ATG12: variants seen among roughly 807,000 people sequenced by gnomAD.
The protein encoded by ATG12 is autophagy related 12.
A neutral mutation model predicts 17.6 loss-of-function variants in ATG12; 19 were observed. The ratio of observed to expected loss-of-function variants is 1.08; its 90% CI spans 0.75 to 1.58. The LOEUF is 1.58. Ranked by LOEUF, ATG12 falls within the 40% of genes most tolerant of loss-of-function variation. The pLI is 0.00. For synonymous variants in ATG12, 75 were observed against 62.4 expected (o/e 1.20, Z -0.95); for missense variants, 214 against 162.0 (o/e 1.32, Z -1.74).
intron 2 of ATG12, among the ~76,000 whole-genome samples, chr5:115,834,666 G>C (rs1164695609): frequency 6.6e-6 from 1 of 152,064 alleles, no homozygotes; most frequent in Non-Finnish European, 1.5e-5. Flanking sequence ...TCTGCTAATA[G>C]TCTGTGCCCC....
At position 115,832,599 on chromosome 5, in the gene ATG12, T is replaced by TA. The variant is rs764789998; in HGVS notation, c.363+2dup. The TA allele has an allele frequency of 5.2e-6, 5 of 952,586 alleles. No individual in the cohort carries two copies. The highest frequency in any genetic ancestry group is 6.0e-6 in the Non-Finnish European group (4 of 670,432). The allele number at this position is 952,586 out of a possible 1,614,324, so 59.0% of individuals were successfully genotyped here. ...TTTTTTTTTTTTTTTTTTTTTTTTTTACCTCATAGAGAGTTCCAACTTCTT... is the reference window on the plus strand; with the variant it reads ...TTTTTTTTTTTTTTTTTTTTTTTTTTAACCTCATAGAGAGTTCCAACTTCTT... On this transcript the variant is annotated splice_region_variant and intron_variant, in intron 3 of 3. Coordinates refer to ENST00000509910, the MANE Select transcript of ATG12 (RefSeq NM_004707.4).
chr5:115,837,980 C>A, intron 1 of ATG12: 1 of 420,996 alleles, frequency 2.4e-6, no homozygotes, highest in East Asian at 4.0e-5. Context: ...TTTTAAAATG[C>A]CTTTTATCTT....
chr5:115,831,978 A>G, intron 3 of ATG12, 115 bp from the exon 4 acceptor site: 2 of 913,964 alleles, frequency 2.2e-6, no homozygotes, highest in South Asian at 1.5e-5. Flanking sequence ...TAAGTTACCT[A>G]TGTTACAGGC....
At position 115,837,769 on chromosome 5, in the gene ATG12, A is replaced by G. The variant is rs773867209; in HGVS notation, c.164-5T>C. On this transcript the variant is annotated splice_region_variant and splice_polypyrimidine_tract_variant and intron_variant, in intron 1 of 3. Coordinates refer to ENST00000509910, the MANE Select transcript of ATG12 (RefSeq NM_004707.4). Reference sequence around the variant, plus strand: ...CAGCCTTTAGCAAAATGTCAACTGTAAAAGAAGAATAAAATTTACTGACAA... The same window carrying G: ...CAGCCTTTAGCAAAATGTCAACTGTGAAAGAAGAATAAAATTTACTGACAA... 6 of 1,588,268 alleles carry G rather than the reference A, an allele frequency of 3.8e-6. No individual in the cohort carries two copies. The African/African-American group carries it at 5.5e-5, about 14-fold the overall frequency.
chr5:115,840,831 T>C (rs903221840), intron 1 of ATG12: 1 of 1,244,676 alleles, frequency 8.0e-7, no homozygotes, highest in African/African-American at 1.6e-5. Flanking sequence ...GGTTCCAAAA[T>C]GTGTTTCTTA....
At position 115,830,109 on chromosome 5, in the gene ATG12, C is replaced by T. The variant is rs923176838; in HGVS notation, c.*1695G>A. ...TCCAGCCTGGGCAACAAGACCGAAA[C>T]GCTGTCTCTTTAAAAAAAAAAAAAA... On this transcript the variant is annotated 3_prime_UTR_variant, in exon 4 of 4. Transcript: ENST00000509910. 2 of 114,386 alleles carry T rather than the reference C, an allele frequency of 1.7e-5. No homozygotes were observed. The highest frequency in any genetic ancestry group is 3.7e-5 in the African/African-American group (1 of 27,306). 7.1% of individuals were successfully genotyped at this position (114,386 alleles called of 1,614,324 possible).
Position 115,841,537 on chromosome 5 carries a change from G to T in ATG12, c.16C>A (p.Gln6Lys). 6.2e-7 allele frequency: 1 copy of T among 1,613,626 alleles called. No homozygotes were observed. The highest frequency in any genetic ancestry group is 8.5e-7 in the Non-Finnish European group (1 of 1,179,828). Residue 6 changes from glutamine (Q) to lysine (K), a missense_variant, in exon 1 of 4, where the codon CAG (glutamine) becomes AAG (lysine). By Grantham distance (53) the Gln-to-Lys change is moderately conservative. Transcript: ENST00000509910. ...GAAGTAGGAAGCTGCAACACAGACT[G>T]CGGCTCCTCCGCCATCTTGCTTGGA... MAEEPQSVLQLPTSIA... is the reference protein window; with the variant it reads MAEEPKSVLQLPTSIA...
intron 2 of ATG12, among the ~76,000 whole-genome samples, chr5:115,834,659 G>C (rs559694622): frequency 6.6e-6 from 1 of 152,218 alleles, no homozygotes; most frequent in Non-Finnish European, 1.5e-5. Flanking sequence ...AGCATTTTCT[G>C]CTAATAGTCT....
rs576962186 is a variant in ATG12, at chr5:115,840,739, G to A, written c.163+651C>T. ...GAGTGCTTTAGAACACGTAATTTTA[G>A]CAATCTCTTTTACAAAGGGAAACAT... On this transcript the variant is annotated intron_variant, in intron 1 of 3. Coordinates refer to ENST00000509910, the MANE Select transcript of ATG12 (RefSeq NM_004707.4). 546 of 1,181,204 alleles carry A rather than the reference G, an allele frequency of 4.6e-4. 2 individuals are homozygous for A. In the African/African-American group the frequency reaches 8.4e-3, roughly 18 times the overall value. 73.2% of individuals were successfully genotyped at this position (1,181,204 alleles called of 1,614,324 possible).
In ATG12 at chr5:115,831,376, A is replaced by G. The variant is rs1760862548; in HGVS notation, c.*428T>C. Reference sequence around the variant, plus strand: ...GGACTATTTGAGGTATTCAGCCAGCAGGTCAATGTGACTAAAAAGGTAAAC... The same window carrying G: ...GGACTATTTGAGGTATTCAGCCAGCGGGTCAATGTGACTAAAAAGGTAAAC... On this transcript the variant is annotated 3_prime_UTR_variant, in exon 4 of 4. Transcript: ENST00000509910. The G allele has an allele frequency of 5.9e-6, 1 of 170,442 alleles. No individual in the cohort carries two copies. The highest frequency in any genetic ancestry group is 1.2e-5 in the Non-Finnish European group (1 of 80,314). The allele number at this position is 170,442 out of a possible 1,614,324, so 10.6% of individuals were successfully genotyped here.
Position 115,829,267 on chromosome 5 carries a change from C to T in ATG12, c.*2537G>A, listed in dbSNP as rs965817806. On this transcript the variant is annotated 3_prime_UTR_variant, in exon 4 of 4. Transcript: ENST00000509910. ...AGAGATTTTTATTTTCACACTCCTT[C>T]AACACCTAAGGCTTTCTCACTTTGT... 1 of 152,158 alleles carries T rather than the reference C, an allele frequency of 6.6e-6. No individual in the cohort carries two copies. The highest frequency in any genetic ancestry group is 2.4e-5 in the African/African-American group (1 of 41,432). 9.4% of individuals were successfully genotyped at this position (152,158 alleles called of 1,614,324 possible). A position where few individuals can be genotyped will look rare whatever the true frequency, so the allele number is the denominator to read the frequency against.
chr5:115,837,581 G>T, intron 2 of ATG12, 47 bp downstream of exon 2: 2 of 1,601,152 alleles, frequency 1.2e-6, no homozygotes, highest in Middle Eastern at 2.3e-4. Flanking sequence ...TGTTGCCTAG[G>T]AACTACTGCA....
intron 1 of ATG12, 61 bp from the exon 2 acceptor site, chr5:115,837,825 A>G (rs957397045): frequency 7.3e-7 from 1 of 1,375,002 alleles, no homozygotes; most frequent in African/African-American, 1.5e-5. Flanking sequence ...AGAATGGAAT[A>G]TAAAAGACTT....
At position 115,841,441 on chromosome 5, in the gene ATG12, C is replaced by G; in HGVS notation, c.112G>C (p.Ala38Pro). The G allele has an allele frequency of 6.2e-7, 1 of 1,610,004 alleles. No individual in the cohort carries two copies. The highest frequency in any genetic ancestry group is 8.5e-7 in the Non-Finnish European group (1 of 1,179,044). ...TCCTCTGTTCCCGGGGAAACTGCAGCGGAAGACGGGGGCTCCGGGGTGGTT... is the reference window on the plus strand; with the variant it reads ...TCCTCTGTTCCCGGGGAAACTGCAGGGGAAGACGGGGGCTCCGGGGTGGTT... The part of the protein sequence containing the change: ...ETTTPEPPSS[A>P]AVSPGTEEPA... The change falls in exon 1 of 4, where the codon GCT (alanine) becomes CCT (proline). Residue 38 changes from alanine to proline, a missense_variant. Coordinates refer to ENST00000509910, the MANE Select transcript of ATG12 (RefSeq NM_004707.4).
chr5:115,840,470 A>T (rs1561455826), intron 1 of ATG12: 2 of 435,262 alleles, frequency 4.6e-6, no homozygotes, highest in East Asian at 1.1e-4. Context: ...TCTAACTTTT[A>T]TATTTTTAGT....
chr5:115,838,411 G>T (rs544731029), intron 1 of ATG12: 84 of 152,324 alleles, frequency 5.5e-4, no homozygotes, highest in African/African-American at 2.0e-3. Flanking sequence ...CCTGGGGTTC[G>T]AATCCTGGCT....
rs1442824109 is a variant in ATG12 at position 115,828,710 on chromosome 5, A to G, written c.*3094T>C. 1 of 152,196 alleles carries G rather than the reference A, an allele frequency of 6.6e-6. No individual in the cohort carries two copies. The highest frequency in any genetic ancestry group is 2.1e-4 in the South Asian group (1 of 4,834). The allele number at this position is 152,196 out of a possible 1,614,324, so 9.4% of individuals were successfully genotyped here. The stretch of plus-strand genomic sequence containing the variant: ...TTTTAGCTGTCATACTTTGCTAATC[A>G]CAATTTCATTCACTCGATGTGTTAC... On this transcript the variant is annotated 3_prime_UTR_variant, in exon 4 of 4. Coordinates refer to ENST00000509910, the MANE Select transcript of ATG12 (RefSeq NM_004707.4).
intron 2 of ATG12, among the ~76,000 whole-genome samples, chr5:115,837,401 T>C (rs117682675): frequency 6.6e-6 from 1 of 151,892 alleles, no homozygotes; most frequent in African/African-American, 2.4e-5. Flanking sequence ...GGAGAATCGC[T>C]TGAACCAGGA....
chr5:115,833,456 G>C (rs952542352), intron 2 of ATG12: 2 of 152,072 alleles, frequency 1.3e-5, no homozygotes, highest in Non-Finnish European at 2.9e-5. Context: ...AATATTGCTT[G>C]CATCTCTCTT....
Sources: gnomAD v4.1 joint callset for allele counts (sites outside exome capture counted in the v4.1 genomes callset) on GRCh38, gnomAD v4.1.1 for gene constraint, MANE v1.5 for transcripts, NCBI Gene and HGNC (gene_info 2026-07-23, HGNC 2026-07-21) for gene names.